The following GABRG1 variants were observed in gnomAD, a reference collection of about 807,000 sequenced individuals.
GABRG1 encodes the protein gamma-aminobutyric acid type A receptor subunit gamma1, also known as gamma-aminobutyric acid receptor subunit gamma-1.
In GABRG1, 49 loss-of-function variants were observed where a neutral mutation model predicts 49.8. That is an observed-to-expected ratio of 0.98 (90% CI 0.78 to 1.25). The LOEUF is 1.25. Ranked by LOEUF, GABRG1 falls within the 50% of genes most tolerant of loss-of-function variation. The probability of loss-of-function intolerance (pLI) is 0.00; values close to 1 mark genes in which losing one functional copy is unlikely to be tolerated. For synonymous variants in GABRG1, 232 were observed against 185.1 expected (o/e 1.25, Z -2.06); for missense variants, 552 against 552.3 (o/e 1.00, Z 0.01).
At chr4:46,058,708 C>A in intron 5 of GABRG1, 86 bp from the exon 6 acceptor site, 1 of 987,274 alleles carries the variant, frequency 1.0e-6, no homozygotes, top group Non-Finnish European at 1.5e-6. Context: ...ATTCTTGGAA[C>A]TTTCTCCTCT....
chr4:46,081,805 C>T (rs1391517395), intron 3 of GABRG1, among the ~76,000 whole-genome samples: 1 of 151,550 alleles, frequency 6.6e-6, no homozygotes. Flanking sequence ...GGCCCTAATA[C>T]AATATGACTT....
chr4:46,072,182 G>T (rs558013146), intron 3 of GABRG1, among the ~76,000 whole-genome samples: 2 of 152,136 alleles, frequency 1.3e-5, no homozygotes, highest in South Asian at 4.1e-4. Context: ...ATTCTTTACA[G>T]GTTTGTATCC....
chr4:46,057,262 ATTG>A (rs1718488715), intron 7 of GABRG1, among the ~76,000 whole-genome samples: 1 of 152,126 alleles, frequency 6.6e-6, no homozygotes, highest in Non-Finnish European at 1.5e-5. Flanking sequence ...TGCCTCATGC[ATTG>A]TTGTTGTCAC....
rs1183763756 is a variant in GABRG1 at position 46,117,826 on chromosome 4, ATATATACATATGTATACATGTGTATC to A, written c.104+5958_104+5983del. 3.7e-3 allele frequency among the ~76,000 whole-genome samples: 440 copies of A among 118,024 alleles called. 54 individuals carry two copies. Among genetic ancestry groups the A allele is most frequent in the African/African-American group, 0.016 (414 of 25,924 alleles). 77.4% of individuals were successfully genotyped at this position (118,024 alleles called of 152,430 possible). ...TATGTATACATGTGTATCTATATAC[ATATATACATATGTATACATGTGTATC>A]TATATACATATATACATATGTATAC... On this transcript the variant is annotated intron_variant, in intron 1 of 8. Coordinates refer to ENST00000295452, the MANE Select transcript of GABRG1 (RefSeq NM_173536.4).
intron 1 of GABRG1, among the ~76,000 whole-genome samples, chr4:46,108,006 A>C (rs10007574): frequency 1.3e-5 from 2 of 151,156 alleles, no homozygotes; most frequent in Non-Finnish European, 3.0e-5. Context: ...AAGGTAAATC[A>C]ATAGGTTTCC....
Position 46,041,180 on chromosome 4 carries a change from A to G in GABRG1, c.1206T>C (p.Tyr402=), listed in dbSNP as rs1195071077. 1.9e-6 allele frequency: 3 copies of G among 1,613,038 alleles called. No homozygotes were observed. Among genetic ancestry groups the G allele is most frequent in the East Asian group, 2.2e-5 (1 of 44,828 alleles). The change falls in exon 9 of 9, where the codon TAT becomes TAC. Residue 402 remains tyrosine, a synonymous_variant. Coordinates refer to ENST00000295452, the MANE Select transcript of GABRG1 (RefSeq NM_173536.4). The part of the protein sequence containing the change: ...NNISVPQEDD[Y]GYQCLEGKDC... Reference sequence around the variant, plus strand: ...CTTTGCCCTCCAAACACTGATACCCATAATCATCTTCTTGCGGCACAGAAA... The same window carrying G: ...CTTTGCCCTCCAAACACTGATACCCGTAATCATCTTCTTGCGGCACAGAAA...
intron 1 of GABRG1, among the ~76,000 whole-genome samples, chr4:46,107,585 T>C (rs1720592287): frequency 6.6e-6 from 1 of 151,060 alleles, no homozygotes; most frequent in Admixed American, 6.6e-5. Context: ...TCTCTTTTTT[T>C]CTCATATGTG....
At chr4:46,092,455 G>A (rs559342944) in intron 2 of GABRG1, among the ~76,000 whole-genome samples, 1 of 151,812 alleles carries the variant, frequency 6.6e-6, no homozygotes, top group Non-Finnish European at 1.5e-5. Context: ...TGTGTACAAT[G>A]CAATGATAGA....
chr4:46,076,494 T>C (rs1017197587), intron 3 of GABRG1, among the ~76,000 whole-genome samples: 1 of 149,896 alleles, frequency 6.7e-6, no homozygotes, highest in Non-Finnish European at 1.5e-5. Flanking sequence ...AATGGGTAAA[T>C]AAAGGTGTAA....
intron 5 of GABRG1, among the ~76,000 whole-genome samples, chr4:46,064,021 A>G (rs1352632920): frequency 6.6e-6 from 1 of 152,116 alleles, no homozygotes; most frequent in Non-Finnish European, 1.5e-5. Context: ...TATGGTAAAT[A>G]CTATTTGCCT....
chr4:46,118,277 TCTAC>T (rs1286854123), intron 1 of GABRG1, among the ~76,000 whole-genome samples: 12 of 143,480 alleles, frequency 8.4e-5, no homozygotes, highest in African/African-American at 2.1e-4. Context: ...TATCTATCTA[TCTAC>T]CTACCTATCT....
At chr4:46,043,977 A>T (rs1487249870) in intron 8 of GABRG1, among the ~76,000 whole-genome samples, 1 of 152,030 alleles carries the variant, frequency 6.6e-6, no homozygotes, top group African/African-American at 2.4e-5. Context: ...ATCTGCTAAA[A>T]TTATTAAATA....
rs1413157991 is a variant in GABRG1 at position 46,058,717 on chromosome 4, C to CT, written c.626-96dup. ...AGGTAGATTCTTGGAACTTTCTCCTCTTTTTTTATTACAAGATATGCCAAA... is the reference window on the plus strand; with the variant it reads ...AGGTAGATTCTTGGAACTTTCTCCTCTTTTTTTTATTACAAGATATGCCAAA... On this transcript the variant is annotated intron_variant, in intron 5 of 8. Coordinates refer to ENST00000295452, the MANE Select transcript of GABRG1 (RefSeq NM_173536.4). The CT allele has an allele frequency of 3.9e-5, 36 of 912,060 alleles. No homozygotes were observed. The East Asian group carries it at 6.7e-4, about 17-fold the overall frequency. 56.5% of individuals were successfully genotyped at this position (912,060 alleles called of 1,614,324 possible).
chr4:46,109,368 A>T (rs1171720722), intron 1 of GABRG1, among the ~76,000 whole-genome samples: 7 of 150,486 alleles, frequency 4.7e-5, no homozygotes, highest in African/African-American at 1.7e-4. Context: ...TTGTAATGTC[A>T]CCATTGCCAT....
intron 2 of GABRG1, among the ~76,000 whole-genome samples, chr4:46,086,629 G>A (rs1166803812): frequency 6.6e-6 from 1 of 151,328 alleles, no homozygotes; most frequent in Non-Finnish European, 1.5e-5. Context: ...TTCAGATATT[G>A]CAGTTATCAC....
At chr4:46,048,939 A>G (rs1718110194) in intron 8 of GABRG1, among the ~76,000 whole-genome samples, 2 of 151,940 alleles carry the variant, frequency 1.3e-5, no homozygotes, top group Non-Finnish European at 2.9e-5. Context: ...AGTCAACAAG[A>G]TGTCAGGAAA....
rs1358314351 is a variant in GABRG1, at chr4:46,056,146, TAAATTAAAAAAAAAA to T, written c.916+2056_916+2070del. 7.0e-4 allele frequency among the ~76,000 whole-genome samples: 4 copies of T among 5,678 alleles called. 1 individual carries two copies. Among genetic ancestry groups the T allele is most frequent in the African/African-American group, 4.8e-3 (4 of 838 alleles). The allele number at this position is 5,678 out of a possible 152,430, so 3.7% of individuals were successfully genotyped here. A position where few individuals can be genotyped will look rare whatever the true frequency, so the allele number is the denominator to read the frequency against. On this transcript the variant is annotated intron_variant, in intron 7 of 8. Transcript: ENST00000295452. ...AAGGAAAAAAAAAAAAATAAATAAA[TAAATTAAAAAAAAAA>T]AAAAAAAAAAAAAAAAAAATAGTCT...
chr4:46,058,293 T>A lies in GABRG1; in HGVS notation c.840A>T (p.Pro280=), dbSNP rs368244440. 4.3e-6 allele frequency: 7 copies of A among 1,613,136 alleles called. No homozygotes were observed. In the Admixed American group the frequency reaches 1.2e-4, roughly 27 times the overall value. The part of the protein sequence containing the change: ...MGYFTIQTYI[P]CILTVVLSWV... ...AAGAAAGAACAACTGTCAGAATGCA[T>A]GGAATGTAGGTCTGAATAGTGAAAT... The change falls in exon 7 of 9, where the codon CCA becomes CCT. Residue 280 remains proline (P), a synonymous_variant. Transcript: ENST00000295452.
At chr4:46,103,745 T>C (rs1225753490) in intron 1 of GABRG1, among the ~76,000 whole-genome samples, 2 of 151,462 alleles carry the variant, frequency 1.3e-5, no homozygotes, top group Admixed American at 1.3e-4. Flanking sequence ...GTCATTTTGC[T>C]ACTCCTATTA....
Sources: gnomAD v4.1 joint callset for allele counts (sites outside exome capture counted in the v4.1 genomes callset) on GRCh38, gnomAD v4.1.1 for gene constraint, MANE v1.5 for transcripts, NCBI Gene and HGNC (gene_info 2026-07-23, HGNC 2026-07-21) for gene names.